Variants in RALGAPA2 observed in about 807,000 individuals in gnomAD.
RALGAPA2 encodes Ral GTPase activating protein catalytic subunit alpha 2.
Under a neutral mutation model 230.4 loss-of-function variants are expected in RALGAPA2, and 139 were observed. That is an observed-to-expected ratio of 0.60 (90% confidence interval 0.53 to 0.69). RALGAPA2 has a LOEUF of 0.69. RALGAPA2 is among the 30% of genes least tolerant of loss of function. The probability of loss-of-function intolerance (pLI) is 0.00; values close to 1 mark genes in which losing one functional copy is unlikely to be tolerated. For synonymous variants in RALGAPA2, 847 were observed against 837.8 expected (o/e 1.01, Z -0.19); for missense variants, 2,163 against 2,276.0 (o/e 0.95, Z 1.01).
In RALGAPA2 at chr20:20,524,439, C is replaced by A. The variant is rs759254487; in HGVS notation, c.3867G>T (p.Ser1289=). 1 of 1,613,798 alleles carries A rather than the reference C, an allele frequency of 6.2e-7. No homozygotes were observed. The change falls in exon 30 of 40, where the codon TCG becomes TCT. Residue 1289 remains serine, a synonymous_variant. Transcript: ENST00000202677. ...VSTAVLEEQH[S]ARAPLLDYIY... ...TATAATCCAGCAAGGGGGCTCTGGC[C>A]GAATGCTGCTCCTCTAGGACTGCTG...
chr20:20,582,850 C>G (rs1423297106), intron 20 of RALGAPA2, among the ~76,000 whole-genome samples, 200 bp downstream of exon 20: 2 of 152,162 alleles, frequency 1.3e-5, no homozygotes, highest in African/African-American at 4.8e-5. Flanking sequence ...ACTCTTCTTT[C>G]TAGCATAGAA....
chr20:20,536,491 T>C (rs575645655), intron 25 of RALGAPA2, among the ~76,000 whole-genome samples, 165 bp downstream of exon 25: 4 of 152,306 alleles, frequency 2.6e-5, no homozygotes, highest in Admixed American at 6.5e-5. Flanking sequence ...ATTTAACACA[T>C]GCATAGCCCA....
intron 36 of RALGAPA2, among the ~76,000 whole-genome samples, chr20:20,474,159 T>G (rs922999045): frequency 1.2e-4 from 18 of 152,104 alleles, no homozygotes; most frequent in African/African-American, 3.1e-4. Context: ...GACATTTCAG[T>G]AAAGGCCTAA....
chr20:20,427,216 T>C (rs6046853), intron 37 of RALGAPA2, among the ~76,000 whole-genome samples: 91,837 of 152,028 alleles, frequency 0.6, 27,723 homozygotes, highest in African/African-American at 0.64. Flanking sequence ...CTCTCTCCAG[T>C]TGGGACTCTA....
intron 34 of RALGAPA2, chr20:20,504,943 A>C: frequency 4.2e-6 from 4 of 957,780 alleles, no homozygotes; most frequent in Non-Finnish European, 5.0e-6. Flanking sequence ...AATCATCCTG[A>C]AATCTACCTT....
chr20:20,521,161 T>G, intron 30 of RALGAPA2, 61 bp from the exon 31 acceptor site: 1 of 1,430,414 alleles, frequency 7.0e-7, no homozygotes, highest in African/African-American at 1.4e-5. Flanking sequence ...CCTGACAATC[T>G]GTCAAACTAC....
At position 20,521,112 on chromosome 20, in the gene RALGAPA2, G is replaced by C; in HGVS notation, c.3901-12C>G. On this transcript the variant is annotated splice_polypyrimidine_tract_variant and intron_variant, in intron 30 of 39. Transcript: ENST00000202677. ...CAGCAGTGCAAAACCTGTGAAAACA[G>C]AGGCCATGTGCACCACGGATGCTAC... The C allele has an allele frequency of 1.9e-6, 3 of 1,588,822 alleles. No individual in the cohort carries two copies. The highest frequency in any genetic ancestry group is 2.6e-6 in the Non-Finnish European group (3 of 1,162,050).
intron 26 of RALGAPA2, among the ~76,000 whole-genome samples, chr20:20,532,377 A>G (rs950121036): frequency 5.3e-5 from 8 of 152,214 alleles, no homozygotes; most frequent in Admixed American, 1.3e-4. Context: ...AACTACACAG[A>G]AATTTGGCTT....
chr20:20,459,009 C>T (rs1238749822), intron 37 of RALGAPA2, among the ~76,000 whole-genome samples: 2 of 151,734 alleles, frequency 1.3e-5, no homozygotes, highest in Admixed American at 6.6e-5. Flanking sequence ...AAACTGAGCA[C>T]GAACCTGTGA....
chr20:20,636,307 G>A (rs2066855630), intron 8 of RALGAPA2, among the ~76,000 whole-genome samples: 2 of 151,996 alleles, frequency 1.3e-5, no homozygotes, highest in Admixed American at 1.3e-4. Flanking sequence ...AATAATTTTT[G>A]TATATCTGGA....
At chr20:20,411,910 T>C in intron 38 of RALGAPA2, 117 bp downstream of exon 38, 2 of 1,351,602 alleles carry the variant, frequency 1.5e-6, no homozygotes, top group South Asian at 1.3e-5. Flanking sequence ...CATTAGTTGA[T>C]TCAGAGGGAG....
intron 16 of RALGAPA2, among the ~76,000 whole-genome samples, chr20:20,594,773 G>C (rs1384272741): frequency 1.4e-5 from 2 of 145,024 alleles, no homozygotes; most frequent in African/African-American, 5.1e-5. Flanking sequence ...CTGTCGGCCA[G>C]GCTGGAGCAC....
intron 5 of RALGAPA2, among the ~76,000 whole-genome samples, chr20:20,641,878 A>G (rs948816571): frequency 2.6e-5 from 4 of 151,860 alleles, no homozygotes; most frequent in African/African-American, 9.7e-5. Flanking sequence ...AAATAAATAA[A>G]TAAAAATATT....
chr20:20,604,179 T>C (rs914152765), intron 15 of RALGAPA2, among the ~76,000 whole-genome samples: 1 of 152,218 alleles, frequency 6.6e-6, no homozygotes, highest in Non-Finnish European at 1.5e-5. Flanking sequence ...ATTTTGTATT[T>C]GATCTACTGT....
intron 36 of RALGAPA2, among the ~76,000 whole-genome samples, chr20:20,483,489 C>T (rs998791748): frequency 1.3e-5 from 2 of 152,122 alleles, no homozygotes; most frequent in South Asian, 2.1e-4. Context: ...CCCTGAGAAG[C>T]TTGGCCCCAG....
intron 1 of RALGAPA2, among the ~76,000 whole-genome samples, chr20:20,692,642 A>G (rs2068955257): frequency 6.6e-6 from 1 of 152,224 alleles, no homozygotes; most frequent in African/African-American, 2.4e-5. Flanking sequence ...AAAACAACAG[A>G]AAGTCTGATG....
intron 37 of RALGAPA2, among the ~76,000 whole-genome samples, chr20:20,457,619 G>T (rs1228387753): frequency 6.6e-6 from 1 of 152,200 alleles, no homozygotes; most frequent in Non-Finnish European, 1.5e-5. Flanking sequence ...CATGGCTGGC[G>T]TCCTGGTCAG....
chr20:20,620,693 T>C, intron 10 of RALGAPA2, 63 bp from the exon 11 acceptor site: 2 of 1,354,080 alleles, frequency 1.5e-6, no homozygotes, highest in Non-Finnish European at 2.0e-6. Context: ...TAGGGCAGCA[T>C]CACGGACATT....
chr20:20,650,465 C>T (rs1327561857), intron 4 of RALGAPA2, among the ~76,000 whole-genome samples: 1 of 152,168 alleles, frequency 6.6e-6, no homozygotes, highest in African/African-American at 2.4e-5. Context: ...CAGTGTGGGA[C>T]AAGAAGCATA....
Sources: gnomAD v4.1 joint callset for allele counts (sites outside exome capture counted in the v4.1 genomes callset) on GRCh38, gnomAD v4.1.1 for gene constraint, MANE v1.5 for transcripts, NCBI Gene and HGNC (gene_info 2026-07-23, HGNC 2026-07-21) for gene names.